SNX14: variants seen among roughly 807,000 people sequenced by gnomAD.
The protein encoded by SNX14 is sorting nexin 14.
Under a neutral mutation model 133.8 loss-of-function variants are expected in SNX14, and 93 were observed. The ratio of observed to expected loss-of-function variants is 0.70; its 90% CI spans 0.59 to 0.83. The LOEUF is 0.83. SNX14 is among the 40% of genes least tolerant of loss of function. The pLI is 0.00. For synonymous variants in SNX14, 368 were observed against 365.6 expected (o/e 1.01, Z -0.07); for missense variants, 945 against 1,094.9 (o/e 0.86, Z 1.93).
intron 12 of SNX14, among the ~76,000 whole-genome samples, chr6:85,544,378 G>A (rs1024427815): frequency 6.6e-6 from 1 of 152,022 alleles, no homozygotes; most frequent in African/African-American, 2.4e-5. Context: ...CTGGAATACA[G>A]GATATAAGAT....
rs112710415 is a variant in SNX14, at chr6:85,523,001, G to A, written c.2107+3125C>T. ...CCTGTTTCCCTAAGAAGAACCAGCCGTCCCTTTCTTTCAGCTGGATCTTCA... is the reference window on the plus strand; with the variant it reads ...CCTGTTTCCCTAAGAAGAACCAGCCATCCCTTTCTTTCAGCTGGATCTTCA... On this transcript the variant is annotated intron_variant, in intron 21 of 28. Coordinates refer to ENST00000314673, the MANE Select transcript of SNX14 (RefSeq NM_153816.6). Among the ~76,000 whole-genome samples the A allele has an allele frequency of 2.9e-3, 441 of 152,248 alleles. 5 individuals are homozygous for A. The highest frequency in any genetic ancestry group is 1.0e-2 in the African/African-American group (414 of 41,540).
rs776352992 is a variant in SNX14, at chr6:85,543,289, T to A, written c.1282A>T (p.Ile428Leu). 21 of 1,577,924 alleles carry A rather than the reference T, an allele frequency of 1.3e-5. No individual in the cohort carries two copies. Among genetic ancestry groups the A allele is most frequent in the Admixed American group, 4.0e-5 (2 of 50,288 alleles). ...EIQRIAEGPY[I>L]DVVKLQTMRC... ...ATAGTTTGAAGTTTCACAACATCTA[T>A]GTATGGGCCTTCAGCAACTATTAAA... Residue 428 changes from isoleucine (I) to leucine (L), a missense_variant, in exon 14 of 29, where the codon ATA (isoleucine) becomes TTA (leucine). Physicochemically the swap from Ile to Leu is conservative, Grantham distance 5 (BLOSUM62 2). This residue lies in a region of SNX14 where 514 missense variants were observed against 538.8 expected (regional missense o/e 0.95). Coordinates refer to ENST00000314673, the MANE Select transcript of SNX14 (RefSeq NM_153816.6).
At chr6:85,530,563 T>G (rs1292159577) in intron 18 of SNX14, among the ~76,000 whole-genome samples, 6 of 150,952 alleles carry the variant, frequency 4.0e-5, no homozygotes, top group African/African-American at 1.5e-4. Flanking sequence ...GAGAATCGCT[T>G]GAACCCAAGA....
chr6:85,513,263 AGAG>A (rs1357597185), intron 26 of SNX14, among the ~76,000 whole-genome samples: 3 of 152,232 alleles, frequency 2.0e-5, no homozygotes, highest in Admixed American at 1.3e-4. Flanking sequence ...CCAACTTTAC[AGAG>A]GAGGTGACCA....
At position 85,549,787 on chromosome 6, in the gene SNX14, A is replaced by T; in HGVS notation, c.727T>A (p.Tyr243Asn). Reference sequence around the variant, plus strand: ...AGCAGTTCAGTAAGTTTCCTTAAATAGTGCAATTCATCTCTTCGACTTCTC... The same window carrying T: ...AGCAGTTCAGTAAGTTTCCTTAAATTGTGCAATTCATCTCTTCGACTTCTC... Reference protein sequence around the residue: ...ALRSRRDELHYLRKLTELLFP... With the variant: ...ALRSRRDELHNLRKLTELLFP... Residue 243 changes from tyrosine (Y) to asparagine (N), a missense_variant, in exon 8 of 29, where the codon TAT (tyrosine) becomes AAT (asparagine). By Grantham distance (143) the Tyr-to-Asn change is moderately radical. Coordinates refer to ENST00000314673, the MANE Select transcript of SNX14 (RefSeq NM_153816.6). 1 of 1,614,066 alleles carries T rather than the reference A, an allele frequency of 6.2e-7. No homozygotes were observed. Among genetic ancestry groups the T allele is most frequent in the Non-Finnish European group, 8.5e-7 (1 of 1,179,956 alleles).
intron 7 of SNX14, among the ~76,000 whole-genome samples, chr6:85,551,602 T>C (rs948948196): frequency 6.6e-6 from 1 of 152,172 alleles, no homozygotes; most frequent in African/African-American, 2.4e-5. Flanking sequence ...AAACCAGAAC[T>C]CTCTCTTTGT....
At chr6:85,523,406 A>G (rs991427870) in intron 21 of SNX14, among the ~76,000 whole-genome samples, 1 of 152,208 alleles carries the variant, frequency 6.6e-6, no homozygotes, top group East Asian at 1.9e-4. Context: ...TGAACTAAGG[A>G]AACAGTAAAG....
intron 26 of SNX14, among the ~76,000 whole-genome samples, chr6:85,512,691 A>C (rs1295566815): frequency 1.3e-5 from 2 of 151,572 alleles, no homozygotes; most frequent in Non-Finnish European, 2.9e-5. Context: ...TTAATCTCTT[A>C]AAAAGAGATT....
intron 26 of SNX14, among the ~76,000 whole-genome samples, 195 bp downstream of exon 26, chr6:85,513,605 A>G (rs899229960): frequency 3.3e-5 from 5 of 152,228 alleles, no homozygotes; most frequent in African/African-American, 1.2e-4. Context: ...GCCTTGCCTT[A>G]AAGTCCTAAT....
intron 1 of SNX14, among the ~76,000 whole-genome samples, chr6:85,576,521 A>T (rs1377280619): frequency 8.4e-6 from 1 of 119,268 alleles, no homozygotes; most frequent in African/African-American, 4.4e-5. Context: ...ACGAACTGAC[A>T]GAGTAAACTG....
At chr6:85,516,456 C>T (rs1276443613) in intron 23 of SNX14, among the ~76,000 whole-genome samples, 1 of 151,884 alleles carries the variant, frequency 6.6e-6, no homozygotes, top group Non-Finnish European at 1.5e-5. Flanking sequence ...AATCTTCCTA[C>T]AAACAAAACT....
chr6:85,572,326 A>C lies in SNX14; in HGVS notation c.310T>G (p.Cys104Gly). Residue 104 changes from cysteine to glycine, a missense_variant, in exon 3 of 29, where the codon TGT becomes GGT. By Grantham distance (159) the Cys-to-Gly change is radical. Around this residue, in one of 3 missense-constraint regions of SNX14, gnomAD observed 514 missense variants for 538.8 expected, o/e 0.95. Coordinates refer to ENST00000314673, the MANE Select transcript of SNX14 (RefSeq NM_153816.6). ...TGTCGTTTACATTTCACTTTACCACAAACAGCACAGCTATGACCTTGAGGA... is the reference window on the plus strand; with the variant it reads ...TGTCGTTTACATTTCACTTTACCACCAACAGCACAGCTATGACCTTGAGGA... Reference protein sequence around the residue: ...LFPQGHSCAVCGKVKCKRHRP... With the variant: ...LFPQGHSCAVGGKVKCKRHRP... The C allele has an allele frequency of 6.2e-7, 1 of 1,613,778 alleles. No individual in the cohort carries two copies.
intron 26 of SNX14, 123 bp from the exon 27 acceptor site, chr6:85,508,182 T>A: frequency 7.1e-7 from 1 of 1,410,082 alleles, no homozygotes; most frequent in South Asian, 1.7e-5. Context: ...AAATCAATAC[T>A]CCCCAAACCA....
At chr6:85,563,001 ACT>A (rs1168270209) in intron 6 of SNX14, among the ~76,000 whole-genome samples, 2 of 151,708 alleles carry the variant, frequency 1.3e-5, no homozygotes, top group African/African-American at 4.8e-5. Context: ...AGATATTAAC[ACT>A]CTTTTTTACC....
At chr6:85,510,015 G>A (rs545963927) in intron 26 of SNX14, among the ~76,000 whole-genome samples, 2 of 152,194 alleles carry the variant, frequency 1.3e-5, no homozygotes, top group South Asian at 4.1e-4. Flanking sequence ...CCATTGTCTA[G>A]AAGTATGAGT....
intron 1 of SNX14, among the ~76,000 whole-genome samples, chr6:85,586,921 C>T (rs1801056487): frequency 6.6e-6 from 1 of 152,108 alleles, no homozygotes; most frequent in Non-Finnish European, 1.5e-5. Context: ...TGGTGGATGC[C>T]TGTAATCCCA....
intron 6 of SNX14, among the ~76,000 whole-genome samples, chr6:85,558,273 T>G (rs1167677353): frequency 1.3e-5 from 2 of 152,206 alleles, no homozygotes; most frequent in African/African-American, 2.4e-5. Flanking sequence ...ATGTATACCT[T>G]AAATACTAAA....
intron 1 of SNX14, among the ~76,000 whole-genome samples, chr6:85,593,208 C>T (rs1468568439): frequency 1.3e-5 from 2 of 152,208 alleles, no homozygotes; most frequent in African/African-American, 4.8e-5. Context: ...ATTGCGGCTA[C>T]GAACTGGACC....
intron 21 of SNX14, among the ~76,000 whole-genome samples, chr6:85,523,940 C>T (rs998796717): frequency 6.6e-6 from 1 of 152,120 alleles, no homozygotes; most frequent in Non-Finnish European, 1.5e-5. Context: ...AACTAAAGGT[C>T]AGACTACATT....
Sources: gnomAD v4.1 joint callset for allele counts (sites outside exome capture counted in the v4.1 genomes callset) on GRCh38, gnomAD v4.1.1 for gene constraint, gnomAD v4.1.1 regional missense constraint, MANE v1.5 for transcripts, NCBI Gene and HGNC (gene_info 2026-07-23, HGNC 2026-07-21) for gene names.